The following PAPSS2 variants were observed in gnomAD, a reference collection of about 807,000 sequenced individuals.
PAPSS2 encodes the protein 3'-phosphoadenosine 5'-phosphosulfate synthase 2.
In PAPSS2, 61 loss-of-function variants were observed where a neutral mutation model predicts 66.5. The ratio of observed to expected loss-of-function variants is 0.92; its 90% CI spans 0.75 to 1.14. PAPSS2 has a LOEUF of 1.14. Ranked by LOEUF, PAPSS2 falls within the 50% of genes most tolerant of loss-of-function variation. The probability of loss-of-function intolerance (pLI) is 0.00; values close to 1 mark genes in which losing one functional copy is unlikely to be tolerated. For synonymous variants in PAPSS2, 289 were observed against 287.5 expected (o/e 1.01, Z -0.05); for missense variants, 708 against 789.6 (o/e 0.90, Z 1.24).
rs536775309 is a variant in PAPSS2, at chr10:87,744,469, A to G, written c.1492-533A>G. On this transcript the variant is annotated intron_variant, in intron 11 of 12. Transcript: ENST00000456849. ...GAATGCCCCAAACTGAGTTTAATGA[A>G]TTAATTCTCTTCAATCAGATAAAAG... Among the ~76,000 whole-genome samples, 9 of 152,308 alleles carry G rather than the reference A, an allele frequency of 5.9e-5. No individual in the cohort carries two copies. The East Asian group carries it at 1.7e-3, about 29-fold the overall frequency.
chr10:87,661,927 C>T (rs1251023295), intron 1 of PAPSS2, among the ~76,000 whole-genome samples: 1 of 152,160 alleles, frequency 6.6e-6, no homozygotes, highest in Admixed American at 6.5e-5. Flanking sequence ...TAGGTACTAT[C>T]GGTACTATTT....
intron 9 of PAPSS2, among the ~76,000 whole-genome samples, chr10:87,734,315 C>T (rs1853766767): frequency 6.6e-6 from 1 of 152,098 alleles, no homozygotes; most frequent in African/African-American, 2.4e-5. Flanking sequence ...CAGAAGTCAG[C>T]ACTGACTCCT....
At chr10:87,667,181 T>A (rs1044847130) in intron 1 of PAPSS2, among the ~76,000 whole-genome samples, 5 of 152,224 alleles carry the variant, frequency 3.3e-5, no homozygotes, top group African/African-American at 1.2e-4. Context: ...TGGCTGGGTG[T>A]GGTGGCTCAT....
intron 2 of PAPSS2, 55 bp downstream of exon 2, chr10:87,709,368 C>T (rs1853437919): frequency 1.9e-6 from 2 of 1,063,862 alleles, no homozygotes; most frequent in East Asian, 4.8e-5. Flanking sequence ...TGACATGTGA[C>T]ACAATTTTAT....
chr10:87,733,688 G>A (rs1326336469), intron 9 of PAPSS2, among the ~76,000 whole-genome samples: 1 of 152,136 alleles, frequency 6.6e-6, no homozygotes, highest in East Asian at 1.9e-4. Flanking sequence ...TGATTATTGA[G>A]GGGTGGGTAG....
At chr10:87,701,755 C>T (rs1853320402) in intron 1 of PAPSS2, among the ~76,000 whole-genome samples, 1 of 152,128 alleles carries the variant, frequency 6.6e-6, no homozygotes, top group South Asian at 2.1e-4. Context: ...TGGATGAGAT[C>T]ATTGTCCAGA....
At position 87,714,154 on chromosome 10, in the gene PAPSS2, T is replaced by A. The variant is rs151028232; in HGVS notation, c.492T>A (p.Tyr164Ter). 5.6e-6 allele frequency: 9 copies of A among 1,613,820 alleles called. No homozygotes were observed. Among genetic ancestry groups the A allele is most frequent in the Non-Finnish European group, 7.6e-6 (9 of 1,179,918 alleles). Reference sequence around the variant, plus strand: ...AAAGCAGAGACGTAAAAGGCCTCTATAAAAGGGCCAGAGCTGGGGAGATTA... The same window carrying A: ...AAAGCAGAGACGTAAAAGGCCTCTAAAAAAGGGCCAGAGCTGGGGAGATTA... Reference protein sequence around the residue: ...ICESRDVKGLYKRARAGEIKG... With the variant: ...ICESRDVKGL The change falls in exon 4 of 13, where the codon TAT becomes TAA. Residue 164 changes from tyrosine to a stop codon, truncating the protein, a stop_gained. Transcript: ENST00000456849. LOFTEE classifies it high-confidence loss of function.
At chr10:87,706,626 G>A (rs1166447125) in intron 1 of PAPSS2, among the ~76,000 whole-genome samples, 5 of 151,864 alleles carry the variant, frequency 3.3e-5, no homozygotes, top group Admixed American at 2.0e-4. Context: ...AGGTATGATG[G>A]TGTGCACCTG....
At chr10:87,699,211 T>G (rs962206240) in intron 1 of PAPSS2, among the ~76,000 whole-genome samples, 2 of 152,176 alleles carry the variant, frequency 1.3e-5, no homozygotes, top group African/African-American at 4.8e-5. Context: ...AGATTATCAG[T>G]GTAGAGCTCA....
chr10:87,716,499 A>T (rs954058406), intron 7 of PAPSS2, among the ~76,000 whole-genome samples: 3 of 152,204 alleles, frequency 2.0e-5, no homozygotes, highest in African/African-American at 7.2e-5. Flanking sequence ...GCCTGAACTT[A>T]TCAAATAAAC....
chr10:87,720,463 A>G (rs2131715513), intron 7 of PAPSS2, among the ~76,000 whole-genome samples: 1 of 152,326 alleles, frequency 6.6e-6, no homozygotes, highest in South Asian at 2.1e-4. Flanking sequence ...GTTGGGCAAG[A>G]TATCATTTAT....
In PAPSS2 at chr10:87,734,676, T is replaced by C. The variant is rs1390925267; in HGVS notation, c.1087-6559T>C. 3.9e-3 allele frequency among the ~76,000 whole-genome samples: 444 copies of C among 114,202 alleles called. 4 individuals carry two copies. Among genetic ancestry groups the C allele is most frequent in the African/African-American group, 0.012 (355 of 29,488 alleles). 74.9% of individuals were successfully genotyped at this position (114,202 alleles called of 152,430 possible). On this transcript the variant is annotated intron_variant, in intron 9 of 12. Coordinates refer to ENST00000456849, the MANE Select transcript of PAPSS2 (RefSeq NM_001015880.2). The stretch of plus-strand genomic sequence containing the variant: ...ATGAATGTGTGTGTATATATATATA[T>C]ATATATATATATATATATATATATA...
chr10:87,746,116 A>AATAT lies in PAPSS2; in HGVS notation c.*156_*159dup, dbSNP rs1554869554. 4.0e-4 allele frequency: 241 copies of AATAT among 597,974 alleles called. 2 individuals carry two copies. In the East Asian group the frequency reaches 7.5e-3, roughly 19 times the overall value. 37.0% of individuals were successfully genotyped at this position (597,974 alleles called of 1,614,324 possible). ...AAAGTTGTGTCTATAATTAAAAAAA[A>AATAT]ATATATATATATACACACACACATA... On this transcript the variant is annotated 3_prime_UTR_variant, in exon 13 of 13. Coordinates refer to ENST00000456849, the MANE Select transcript of PAPSS2 (RefSeq NM_001015880.2).
At chr10:87,719,947 G>A (rs535381921) in intron 7 of PAPSS2, among the ~76,000 whole-genome samples, 8 of 152,054 alleles carry the variant, frequency 5.3e-5, no homozygotes, top group South Asian at 2.1e-4. Flanking sequence ...GTGCAGTGGC[G>A]CGATCTCTGC....
chr10:87,697,180 C>T (rs1476916259), intron 1 of PAPSS2, among the ~76,000 whole-genome samples: 2 of 152,120 alleles, frequency 1.3e-5, no homozygotes, highest in Non-Finnish European at 2.9e-5. Flanking sequence ...GAATGCCCTT[C>T]TTGGAGTTTG....
At chr10:87,724,012 ATAT>A (rs1853627855) in intron 8 of PAPSS2, among the ~76,000 whole-genome samples, 1 of 152,046 alleles carries the variant, frequency 6.6e-6, no homozygotes, top group Non-Finnish European at 1.5e-5. Flanking sequence ...ATTGTCCCTA[ATAT>A]TATTTTGTGT....
At chr10:87,745,671 TCTC>T (rs1044230730) in intron 12 of PAPSS2, among the ~76,000 whole-genome samples, 158 bp from the exon 13 acceptor site, 11 of 152,198 alleles carry the variant, frequency 7.2e-5, no homozygotes, top group African/African-American at 9.7e-5. Context: ...TTATTTCCCT[TCTC>T]TTCTGCAAGT....
chr10:87,732,409 G>C (rs1853740654), intron 9 of PAPSS2, among the ~76,000 whole-genome samples: 1 of 151,948 alleles, frequency 6.6e-6, no homozygotes, highest in African/African-American at 2.4e-5. Flanking sequence ...TGTAGTACCA[G>C]CTACTCAGGA....
At chr10:87,704,565 A>C (rs1012187971) in intron 1 of PAPSS2, among the ~76,000 whole-genome samples, 1 of 149,742 alleles carries the variant, frequency 6.7e-6, no homozygotes, top group Non-Finnish European at 1.5e-5. Flanking sequence ...GTCTTTTTCC[A>C]TAAATGCAGC....
Sources: gnomAD v4.1 joint callset for allele counts (sites outside exome capture counted in the v4.1 genomes callset) on GRCh38, gnomAD v4.1.1 for gene constraint, MANE v1.5 for transcripts, NCBI Gene and HGNC (gene_info 2026-07-23, HGNC 2026-07-21) for gene names.